The following RNGTT variants were observed in gnomAD, a reference collection of about 807,000 sequenced individuals.
RNGTT encodes the protein RNA guanylyltransferase and 5'-phosphatase.
RNGTT carries 33 observed loss-of-function variants against 79.3 expected under a neutral mutation model. The ratio of observed to expected loss-of-function variants is 0.42; its 90% CI spans 0.32 to 0.56. The LOEUF (loss-of-function observed/expected upper bound fraction) is 0.56. RNGTT is among the 20% of genes least tolerant of loss of function. RNGTT has a pLI of 0.17. For synonymous variants in RNGTT, 222 were observed against 235.9 expected (o/e 0.94, Z 0.54); for missense variants, 497 against 739.1 (o/e 0.67, Z 3.80).
intron 14 of RNGTT, among the ~76,000 whole-genome samples, chr6:88,648,947 G>A (rs1323447317): frequency 6.6e-6 from 1 of 152,184 alleles, no homozygotes. Flanking sequence ...CCACCAAAGT[G>A]TCTTGTACAT....
At chr6:88,614,238 A>G in intron 15 of RNGTT, 34 bp downstream of exon 15, 1 of 1,604,054 alleles carries the variant, frequency 6.2e-7, no homozygotes, top group Non-Finnish European at 8.5e-7. Context: ...TTTTGTTTTA[A>G]ATATAATAAG....
intron 13 of RNGTT, among the ~76,000 whole-genome samples, chr6:88,711,737 T>C (rs1451612970): frequency 6.6e-6 from 1 of 152,236 alleles, no homozygotes; most frequent in Non-Finnish European, 1.5e-5. Flanking sequence ...GATAAATACC[T>C]ACACGGATAA....
chr6:88,614,249 C>T, intron 15 of RNGTT, 23 bp downstream of exon 15: 1 of 1,611,030 alleles, frequency 6.2e-7, no homozygotes, highest in Non-Finnish European at 8.5e-7. Context: ...ATATAATAAG[C>T]ACTGGTAAGT....
At chr6:88,749,907 A>G (rs769688898) in intron 13 of RNGTT, among the ~76,000 whole-genome samples, 3 of 152,054 alleles carry the variant, frequency 2.0e-5, no homozygotes, top group Non-Finnish European at 2.9e-5. Context: ...CCTCTTCCTA[A>G]TTACTGGTGG....
chr6:88,644,480 G>T (rs1223648974), intron 14 of RNGTT, among the ~76,000 whole-genome samples: 4 of 152,076 alleles, frequency 2.6e-5, no homozygotes, highest in Non-Finnish European at 5.9e-5. Flanking sequence ...GAAAAAGAGG[G>T]AATCCTCCCT....
intron 13 of RNGTT, among the ~76,000 whole-genome samples, chr6:88,759,291 C>T (rs1380190744): frequency 6.6e-6 from 1 of 152,162 alleles, no homozygotes; most frequent in Non-Finnish European, 1.5e-5. Context: ...TACTTTCTTA[C>T]TTTCTGGCAT....
rs3889734 is a variant in RNGTT at position 88,763,141 on chromosome 6, C to G, written c.1439+6633G>C. Among the ~76,000 whole-genome samples the G allele has an allele frequency of 9.1e-3, 1,277 of 140,148 alleles. 19 individuals carry two copies. The highest frequency in any genetic ancestry group is 0.033 in the African/African-American group (1,195 of 36,566). 91.9% of individuals were successfully genotyped at this position (140,148 alleles called of 152,430 possible). A position where few individuals can be genotyped will look rare whatever the true frequency, so the allele number is the denominator to read the frequency against. ...ATTTCTTGTTAGAAATGGGGTTTCA[C>G]CAGGTTGCCCAGGCTGGTCTCAAAC... On this transcript the variant is annotated intron_variant, in intron 13 of 15. Coordinates refer to ENST00000369485, the MANE Select transcript of RNGTT (RefSeq NM_003800.5).
At chr6:88,879,505 C>T (rs1461857390) in intron 8 of RNGTT, among the ~76,000 whole-genome samples, 1 of 152,128 alleles carries the variant, frequency 6.6e-6, no homozygotes. Flanking sequence ...TCACAAGTCA[C>T]GAAGTGTATT....
intron 14 of RNGTT, among the ~76,000 whole-genome samples, chr6:88,653,328 T>C (rs554139721): frequency 9.2e-5 from 14 of 152,326 alleles, no homozygotes; most frequent in South Asian, 2.1e-4. Context: ...CACCTTAATA[T>C]AGTGGTATAA....
intron 4 of RNGTT, among the ~76,000 whole-genome samples, chr6:88,918,484 G>A (rs1784067411): frequency 6.6e-6 from 1 of 152,148 alleles, no homozygotes; most frequent in African/African-American, 2.4e-5. Context: ...TTTTCAGCGG[G>A]AGGGGATTAT....
chr6:88,734,884 G>A (rs1777233840), intron 13 of RNGTT, among the ~76,000 whole-genome samples: 1 of 152,106 alleles, frequency 6.6e-6, no homozygotes, highest in African/African-American at 2.4e-5. Context: ...GCTAATGCAA[G>A]TGCTCTGAAC....
intron 14 of RNGTT, among the ~76,000 whole-genome samples, chr6:88,617,260 A>C (rs1225710331): frequency 6.6e-6 from 1 of 151,998 alleles, no homozygotes; most frequent in African/African-American, 2.4e-5. Context: ...AGAGAGGGAG[A>C]CTCCATCTCC....
At chr6:88,678,175 G>A (rs1562189095) in intron 14 of RNGTT, 178 bp downstream of exon 14, 5 of 1,233,162 alleles carry the variant, frequency 4.1e-6, no homozygotes, top group Non-Finnish European at 4.1e-6. Flanking sequence ...TTTTCTTTTT[G>A]TAGAGACAGG....
At chr6:88,644,994 T>C (rs1021243429) in intron 14 of RNGTT, among the ~76,000 whole-genome samples, 1 of 152,158 alleles carries the variant, frequency 6.6e-6, no homozygotes, top group African/African-American at 2.4e-5. Flanking sequence ...TGTTGGAAGT[T>C]CTGGCCAGGG....
chr6:88,943,050 T>C (rs539388728), intron 1 of RNGTT, among the ~76,000 whole-genome samples: 1 of 152,360 alleles, frequency 6.6e-6, no homozygotes, highest in East Asian at 1.9e-4. Flanking sequence ...CTTGGACCTC[T>C]TTTATATTTT....
At chr6:88,905,419 A>G (rs1185913660) in intron 5 of RNGTT, among the ~76,000 whole-genome samples, 1 of 152,264 alleles carries the variant, frequency 6.6e-6, no homozygotes, top group Non-Finnish European at 1.5e-5. Context: ...TGTGGAGAGC[A>G]TCTGAATGGT....
At chr6:88,811,729 T>C (rs563135808) in intron 11 of RNGTT, among the ~76,000 whole-genome samples, 189 of 152,284 alleles carry the variant, frequency 1.2e-3, no homozygotes, top group African/African-American at 4.3e-3. Context: ...AATATACCAA[T>C]GGAATACTTA....
chr6:88,696,994 A>C (rs1019077462), intron 13 of RNGTT, among the ~76,000 whole-genome samples: 1 of 152,194 alleles, frequency 6.6e-6, no homozygotes, highest in African/African-American at 2.4e-5. Flanking sequence ...TGATCAATCA[A>C]AAAGAAAAAT....
chr6:88,824,754 T>C (rs1412685659), intron 11 of RNGTT, among the ~76,000 whole-genome samples: 1 of 151,796 alleles, frequency 6.6e-6, no homozygotes, highest in African/African-American at 2.4e-5. Flanking sequence ...TTTTCTTTTT[T>C]TTTTTTTTTT....
Sources: allele counts gnomAD v4.1 joint callset (sites outside exome capture counted in the v4.1 genomes callset), GRCh38; gene constraint gnomAD v4.1.1; transcripts MANE v1.5; gene names NCBI Gene and HGNC (gene_info 2026-07-23, HGNC 2026-07-21).